The following GPM6B variants were observed in gnomAD, a reference collection of about 807,000 sequenced individuals.
GPM6B encodes the protein glycoprotein M6B, also known as neuronal membrane glycoprotein M6-b.
In GPM6B, 4 loss-of-function variants were observed where a neutral mutation model predicts 27.2. The ratio of observed to expected loss-of-function variants is 0.15; its 90% CI spans 0.07 to 0.34. GPM6B has a LOEUF of 0.34. Ranked by LOEUF, GPM6B falls within the 10% of genes least tolerant of loss-of-function variation. The probability of loss-of-function intolerance (pLI) is 1.00; values close to 1 mark genes in which losing one functional copy is unlikely to be tolerated. For missense variants in GPM6B, 183 were observed against 261.9 expected (o/e 0.70, Z 2.08); for synonymous variants, 124 against 103.1 (o/e 1.20, Z -1.23).
intron 1 of GPM6B, among the ~76,000 whole-genome samples, chrX:13,932,705 T>C (rs766565151): frequency 6.3e-5 from 7 of 111,905 alleles, no homozygotes; most frequent in Admixed American, 1.9e-4. Context: ...ATGGTGAGGA[T>C]GGAAACACAA....
intron 7 of GPM6B, chrX:13,774,325 C>A: frequency 1.0e-6 from 1 of 982,642 alleles, no homozygotes; most frequent in African/African-American, 1.9e-5. Flanking sequence ...CAGTAAATAA[C>A]TGAATCCTTT....
At chrX:13,899,530 A>G (rs1336399079) in intron 1 of GPM6B, among the ~76,000 whole-genome samples, 3 of 110,916 alleles carry the variant, frequency 2.7e-5, no homozygotes, top group East Asian at 5.6e-4. Flanking sequence ...GGATACAAAA[A>G]TGTAGCCTGG....
rs57849359 is a variant in GPM6B, at chrX:13,880,675, C to CAAAAAAAAAAAAAAAA, written c.-198+57636_-198+57651dup. 9.4e-4 allele frequency among the ~76,000 whole-genome samples: 44 copies of CAAAAAAAAAAAAAAAA among 46,601 alleles called. 4 individuals carry two copies. The highest frequency in any genetic ancestry group is 4.5e-3 in the African/African-American group (38 of 8,482). The allele number at this position is 46,601 out of a possible 115,157, so 40.5% of individuals were successfully genotyped here. On this transcript the variant is annotated intron_variant, in intron 1 of 6. Transcript: ENST00000398361. ...TGGGAGACAGAGCAAGGCTCCATCTCAAAAAAAAAAAAAAAAGGCAAATCA... is the reference window on the plus strand; with the variant it reads ...TGGGAGACAGAGCAAGGCTCCATCTCAAAAAAAAAAAAAAAAAAAAAAAAAAAAAAAAGGCAAATCA...
At chrX:13,782,014 T>G (rs1189202074) in intron 4 of GPM6B, among the ~76,000 whole-genome samples, 1 of 111,998 alleles carries the variant, frequency 8.9e-6, no homozygotes, top group Non-Finnish European at 1.9e-5. Context: ...CTTTCTGTCC[T>G]GTTTCTGTCC....
At chrX:13,799,612 A>AC (rs1421340679) in intron 2 of GPM6B, among the ~76,000 whole-genome samples, 3 of 110,170 alleles carry the variant, frequency 2.7e-5, no homozygotes, top group African/African-American at 9.9e-5. Context: ...AGAGTCACAC[A>AC]TCATGAGTGC....
chrX:13,919,770 C>T (rs1207735727), intron 1 of GPM6B, among the ~76,000 whole-genome samples: 1 of 111,332 alleles, frequency 9.0e-6, no homozygotes, highest in Non-Finnish European at 1.9e-5. Flanking sequence ...GAATACCATA[C>T]GCCTGCAGAA....
chrX:13,773,704 G>C (rs759598263), intron 7 of GPM6B: 1 of 110,490 alleles, frequency 9.1e-6, no homozygotes. Context: ...TATTTTCCTC[G>C]TATTTCCTGC....
intron 1 of GPM6B, among the ~76,000 whole-genome samples, chrX:13,851,739 T>C (rs1418292380): frequency 9.0e-6 from 1 of 110,765 alleles, no homozygotes; most frequent in African/African-American, 3.3e-5. Flanking sequence ...ATTCTGATGA[T>C]ATAAATCTTC....
chrX:13,789,177 C>T (rs1033147455), intron 2 of GPM6B, among the ~76,000 whole-genome samples: 3 of 111,880 alleles, frequency 2.7e-5, no homozygotes, highest in Non-Finnish European at 5.6e-5. Flanking sequence ...GACCAGTTAT[C>T]TTCAGGGTTA....
intron 1 of GPM6B, among the ~76,000 whole-genome samples, chrX:13,931,602 C>A (rs1478247768): frequency 3.6e-5 from 4 of 112,041 alleles, no homozygotes; most frequent in Non-Finnish European, 7.5e-5. Flanking sequence ...TGTAGTCATG[C>A]CAAAGATCAC....
At chrX:13,839,337 T>C (rs1485926891) in intron 1 of GPM6B, among the ~76,000 whole-genome samples, 1 of 90,345 alleles carries the variant, frequency 1.1e-5, no homozygotes, top group African/African-American at 4.0e-5. Context: ...CATGTATTGA[T>C]TGATGTCTGC....
chrX:13,934,354 G>A (rs1719998904), intron 1 of GPM6B, among the ~76,000 whole-genome samples: 1 of 111,495 alleles, frequency 9.0e-6, no homozygotes, highest in Non-Finnish European at 1.9e-5. Flanking sequence ...GTCTCCCACT[G>A]CATCTGAATT....
At chrX:13,797,947 C>G (rs957784176) in intron 2 of GPM6B, among the ~76,000 whole-genome samples, 1 of 111,100 alleles carries the variant, frequency 9.0e-6, no homozygotes, top group African/African-American at 3.3e-5. Context: ...AACTAATCCA[C>G]AGAGAAGGAG....
chrX:13,859,910 A>G (rs1269187343), intron 1 of GPM6B, among the ~76,000 whole-genome samples: 1 of 112,101 alleles, frequency 8.9e-6, no homozygotes, highest in Non-Finnish European at 1.9e-5. Context: ...ACTGAAATAA[A>G]TGAATAGGGC....
chrX:13,887,365 A>C (rs1263326774), intron 1 of GPM6B, among the ~76,000 whole-genome samples: 9 of 112,038 alleles, frequency 8.0e-5, no homozygotes, highest in Non-Finnish European at 5.6e-5. Flanking sequence ...TCTTGATTAC[A>C]CAAGACACAC....
chrX:13,837,521 CCT>C (rs983740132), intron 1 of GPM6B, among the ~76,000 whole-genome samples: 7 of 111,507 alleles, frequency 6.3e-5, no homozygotes, highest in African/African-American at 2.3e-4. Flanking sequence ...CTATTCATCC[CCT>C]TTCTCTCTGC....
At chrX:13,860,647 T>C (rs1357366031) in intron 1 of GPM6B, among the ~76,000 whole-genome samples, 1 of 110,667 alleles carries the variant, frequency 9.0e-6, no homozygotes, top group Admixed American at 9.7e-5. Context: ...ATTTTTTATT[T>C]CAATAGGTTT....
intron 1 of GPM6B, among the ~76,000 whole-genome samples, chrX:13,873,746 T>C (rs1005591): frequency 0.02 from 2,226 of 111,762 alleles, 57 homozygotes; most frequent in East Asian, 0.16. Context: ...GTAAGTGCCA[T>C]GAAAATGTGC....
chrX:13,854,166 C>T (rs1054878167), intron 1 of GPM6B, among the ~76,000 whole-genome samples: 2 of 111,582 alleles, frequency 1.8e-5, no homozygotes, highest in African/African-American at 6.5e-5. Flanking sequence ...TGTCTGGAAC[C>T]GCTTCACACC....
Sources: allele counts gnomAD v4.1 joint callset (sites outside exome capture counted in the v4.1 genomes callset), GRCh38; gene constraint gnomAD v4.1.1; transcripts MANE v1.5; gene names NCBI Gene and HGNC (gene_info 2026-07-23, HGNC 2026-07-21).